Variants in EIF2AK4 observed in about 807,000 individuals in gnomAD.
EIF2AK4 encodes eukaryotic translation initiation factor 2 alpha kinase 4.
EIF2AK4 carries 139 observed loss-of-function variants against 211.1 expected under a neutral mutation model. The ratio of observed to expected loss-of-function variants is 0.66; its 90% CI spans 0.57 to 0.76. EIF2AK4 has a LOEUF of 0.76. Ranked by LOEUF, EIF2AK4 falls within the 30% of genes least tolerant of loss-of-function variation. The pLI is 0.00. For synonymous variants in EIF2AK4, 710 were observed against 751.3 expected (o/e 0.94, Z 0.90); for missense variants, 1,664 against 2,043.8 (o/e 0.81, Z 3.58).
intron 32 of EIF2AK4, among the ~76,000 whole-genome samples, chr15:40,022,891 G>A (rs1285302577): frequency 2.0e-5 from 3 of 152,140 alleles, no homozygotes; most frequent in African/African-American, 2.4e-5. Context: ...CCGCCACCAC[G>A]CTCGGCTAAT....
chr15:39,998,257 G>GTTT (rs752625722), intron 19 of EIF2AK4, among the ~76,000 whole-genome samples: 27 of 109,682 alleles, frequency 2.5e-4, no homozygotes, highest in Non-Finnish European at 4.0e-4. Flanking sequence ...TATGGGTGTG[G>GTTT]TTTTTTTTTT....
chr15:40,010,346 C>T (rs138894081), intron 26 of EIF2AK4, among the ~76,000 whole-genome samples: 2 of 152,306 alleles, frequency 1.3e-5, no homozygotes, highest in South Asian at 2.1e-4. Context: ...AGAATGGCTT[C>T]GAACTCTGGT....
intron 18 of EIF2AK4, among the ~76,000 whole-genome samples, chr15:39,993,968 G>A (rs1163381427): frequency 6.6e-6 from 1 of 152,200 alleles, no homozygotes; most frequent in African/African-American, 2.4e-5. Context: ...TTTTCCCAAC[G>A]GAAGGAATGT....
At position 39,972,951 on chromosome 15, in the gene EIF2AK4, T is replaced by C. The variant is rs982497004; in HGVS notation, c.1597T>C (p.Leu533=). Residue 533 remains leucine (L), a synonymous_variant, in exon 10 of 39, where the codon TTG becomes CTG. Coordinates refer to ENST00000263791, the MANE Select transcript of EIF2AK4 (RefSeq NM_001013703.4). ...CAAGGAAAGATGGAGTCCCCAGCAGTTGTTGAAACACAGCTTTATAAATCC... is the reference window on the plus strand; with the variant it reads ...CAAGGAAAGATGGAGTCCCCAGCAGCTGTTGAAACACAGCTTTATAAATCC... The part of the protein sequence containing the change: ...DDKERWSPQQ[L]LKHSFINPQP... 1 of 1,613,800 alleles carries C rather than the reference T, an allele frequency of 6.2e-7. No homozygotes were observed. The highest frequency in any genetic ancestry group is 2.2e-5 in the East Asian group (1 of 44,874).
chr15:39,976,888 G>T (rs758580858), intron 12 of EIF2AK4, 44 bp downstream of exon 12: 1 of 1,420,224 alleles, frequency 7.0e-7, no homozygotes, highest in Non-Finnish European at 9.2e-7. Flanking sequence ...GCGCCCCCTA[G>T]TTTCCTTTCT....
chr15:40,009,027 T>A (rs2035200455), intron 25 of EIF2AK4, among the ~76,000 whole-genome samples: 1 of 152,158 alleles, frequency 6.6e-6, no homozygotes. Flanking sequence ...TGAAATCAAC[T>A]CTCTCGGGCT....
chr15:39,992,218 C>G lies in EIF2AK4; in HGVS notation c.2675C>G (p.Ser892Ter), dbSNP rs781092853. The change falls in exon 17 of 39, where the codon TCA becomes TGA. Residue 892 changes from serine (S) to a stop codon, truncating the protein, a stop_gained. Coordinates refer to ENST00000263791, the MANE Select transcript of EIF2AK4 (RefSeq NM_001013703.4). LOFTEE classifies it high-confidence loss of function. ...QDDQTGDLIK[S>*]DPSGHLTGMV... is the part of the protein sequence containing the mutation. ...GATCAGACAGGAGACTTGATTAAGT[C>G]AGACCCTTCAGGTAAACCCAGAAGA... is the stretch of plus-strand genomic sequence containing the variant. 1 of 1,611,420 alleles carries G rather than the reference C, an allele frequency of 6.2e-7. No homozygotes were observed. Among genetic ancestry groups the G allele is most frequent in the Admixed American group, 1.7e-5 (1 of 59,832 alleles).
chr15:39,999,962 C>G (rs1389876941), intron 20 of EIF2AK4, among the ~76,000 whole-genome samples: 2 of 152,180 alleles, frequency 1.3e-5, no homozygotes, highest in African/African-American at 4.8e-5. Flanking sequence ...GCATTTGAGT[C>G]TGGGCTGTAC....
Position 40,010,635 on chromosome 15 carries a change from T to C in EIF2AK4, c.3694-646T>C, listed in dbSNP as rs532144025. Among the ~76,000 whole-genome samples, 370 of 152,012 alleles carry C rather than the reference T, an allele frequency of 2.4e-3. 1 individual carries two copies. Among genetic ancestry groups the C allele is most frequent in the African/African-American group, 8.7e-3 (360 of 41,436 alleles). ...GTAAGAACTAACAGCACCAGAAGTC[T>C]ATGGTTAAGACAGAGTAGTGGAAGT... is the stretch of plus-strand genomic sequence containing the variant. On this transcript the variant is annotated intron_variant, in intron 26 of 38. Coordinates refer to ENST00000263791, the MANE Select transcript of EIF2AK4 (RefSeq NM_001013703.4).
Position 39,956,536 on chromosome 15 carries a change from A to G in EIF2AK4, c.743+768A>G, listed in dbSNP as rs565482595. Among the ~76,000 whole-genome samples, 18 of 152,340 alleles carry G rather than the reference A, an allele frequency of 1.2e-4. No individual in the cohort carries two copies. In the South Asian group the frequency reaches 3.1e-3, roughly 26 times the overall value. ...AGAGTAGGAACCCCAGTTGGCTGCC[A>G]GGGGTCCCCTCCCTAATACTGAGGT... On this transcript the variant is annotated intron_variant, in intron 6 of 38. Transcript: ENST00000263791.
rs1343962115 is a variant in EIF2AK4 at position 39,965,781 on chromosome 15, A to G, written c.955A>G (p.Lys319Glu). Reference protein sequence around the residue: ...LLYEWVLQWQKKMGPFLTSQE... With the variant: ...LLYEWVLQWQEKMGPFLTSQE... ...GTATGAGTGGGTCCTTCAGTGGCAG[A>G]AAAAAATGGGTCCATTCCTTACCAG... is the stretch of plus-strand genomic sequence containing the variant. Residue 319 changes from lysine to glutamate, a missense_variant, in exon 8 of 39, where the codon AAA becomes GAA. Transcript: ENST00000263791. The G allele has an allele frequency of 1.2e-6, 2 of 1,614,072 alleles. No homozygotes were observed. The highest frequency in any genetic ancestry group is 1.3e-5 in the African/African-American group (1 of 75,048).
intron 3 of EIF2AK4, chr15:39,946,650 A>G (rs1186237565): frequency 1.3e-5 from 9 of 700,550 alleles, no homozygotes; most frequent in East Asian, 8.0e-5. Flanking sequence ...CTCAAAGGCT[A>G]TCAAACAGCA....
chr15:39,971,672 G>A (rs1014528181), intron 9 of EIF2AK4, among the ~76,000 whole-genome samples: 1 of 151,618 alleles, frequency 6.6e-6, no homozygotes, highest in Non-Finnish European at 1.5e-5. Context: ...AGTGATGATC[G>A]CAACACTGCT....
At chr15:39,959,028 T>A (rs1366582066) in intron 6 of EIF2AK4, among the ~76,000 whole-genome samples, 1 of 152,260 alleles carries the variant, frequency 6.6e-6, no homozygotes, top group Non-Finnish European at 1.5e-5. Flanking sequence ...TAATACTATT[T>A]GGTAATTTTA....
intron 4 of EIF2AK4, chr15:39,951,500 TC>T: frequency 2.4e-6 from 1 of 409,310 alleles, no homozygotes; most frequent in Non-Finnish European, 4.8e-6. Context: ...TCACTTGCCT[TC>T]TGCAAAGCAC....
chr15:40,029,573 C>A, intron 34 of EIF2AK4, 109 bp downstream of exon 34: 1 of 1,146,374 alleles, frequency 8.7e-7, no homozygotes, highest in South Asian at 1.5e-5. Context: ...TTTAAAATAA[C>A]ATATACGCAA....
intron 9 of EIF2AK4, among the ~76,000 whole-genome samples, chr15:39,971,353 A>G (rs1436708569): frequency 2.0e-5 from 3 of 152,088 alleles, no homozygotes; most frequent in Admixed American, 1.3e-4. Flanking sequence ...GCAAAACCCC[A>G]TATCTACTAA....
chr15:39,955,611 T>C lies in EIF2AK4; in HGVS notation c.595-9T>C. 1 of 1,597,142 alleles carries C rather than the reference T, an allele frequency of 6.3e-7. No homozygotes were observed. Among genetic ancestry groups the C allele is most frequent in the Non-Finnish European group, 8.5e-7 (1 of 1,175,150 alleles). ...ACATCTAAAGTAAGTTTTACTTTTC[T>C]TGTTCTAGGAACGTTTGGAAATTGC... On this transcript the variant is annotated splice_polypyrimidine_tract_variant and intron_variant, in intron 5 of 38. Coordinates refer to ENST00000263791, the MANE Select transcript of EIF2AK4 (RefSeq NM_001013703.4).
rs1392099140 is a variant in EIF2AK4, at chr15:39,989,216, G to C, written c.2527-1057G>C. 3.3e-5 allele frequency among the ~76,000 whole-genome samples: 5 copies of C among 152,058 alleles called. No individual in the cohort carries two copies. In the South Asian group the frequency reaches 1.0e-3, roughly 32 times the overall value. ...TGCCATTATAATATAAATGCTAATG[G>C]GCCTAGCTTCAGGATGAAACACTGC... On this transcript the variant is annotated intron_variant, in intron 15 of 38. Transcript: ENST00000263791.
Sources: allele counts gnomAD v4.1 joint callset (sites outside exome capture counted in the v4.1 genomes callset), GRCh38; gene constraint gnomAD v4.1.1; transcripts MANE v1.5; gene names NCBI Gene and HGNC (gene_info 2026-07-23, HGNC 2026-07-21).